KIF24: variants seen among roughly 807,000 people sequenced by gnomAD.
The protein encoded by KIF24 is kinesin family member 24.
In KIF24, 81 loss-of-function variants were observed where a neutral mutation model predicts 118.9. The observed-to-expected ratio is 0.68, with a 90% CI of 0.57 to 0.82. KIF24 has a LOEUF of 0.82. Among genes scored for constraint, KIF24 ranks in the 40% least tolerant of loss-of-function variants. The pLI, the probability that KIF24 is intolerant of heterozygous loss-of-function variation, is 0.00. For synonymous variants in KIF24, 599 were observed against 610.0 expected, an observed-to-expected ratio of 0.98 and a Z score of 0.27; for missense variants, 1,560 against 1,661.6, an observed-to-expected ratio of 0.94 and a Z score of 1.06.
Position 34,257,304 on chromosome 9 carries a change from T to C in KIF24, c.2303A>G (p.His768Arg), listed in dbSNP as rs754954401. 21 of 1,613,892 alleles carry C rather than the reference T, an allele frequency of 1.3e-5. No individual in the cohort carries two copies. In the African/African-American group the frequency reaches 2.1e-4, roughly 16 times the overall value. The change falls in exon 11 of 13, where the codon CAC becomes CGC. Residue 768 changes from histidine to arginine, a missense_variant. Transcript: ENST00000402558. ...GAGAGGTGGCTGTTGGAACTGCTGG[T>C]GATAGAAACGCAGATGTTCCTCCCT... ...KEREEHLRFY[H>R]QQFQQPPLLQ...
At chr9:34,316,027 AC>A (rs1362707062) in intron 1 of KIF24, among the ~76,000 whole-genome samples, 1 of 144,608 alleles carries the variant, frequency 6.9e-6, no homozygotes, top group Admixed American at 7.1e-5. Context: ...AGACTCTGTC[AC>A]CCCCCCAAAA....
chr9:34,257,651 C>T lies in KIF24; in HGVS notation c.1956G>A (p.Val652=), dbSNP rs929738584. The change falls in exon 11 of 13, where the codon GTG becomes GTA. Residue 652 remains valine (V), a synonymous_variant. Transcript: ENST00000402558. ...VIHASPVKGT[V]RSGHVAKKKP... is the part of the protein sequence containing the mutation. ...TTTTTTTGGCCACATGTCCAGAGCG[C>T]ACAGTTCCTTTCACAGGGCTAGCAT... 6.2e-7 allele frequency: 1 copy of T among 1,614,042 alleles called. No homozygotes were observed. Among genetic ancestry groups the T allele is most frequent in the Admixed American group, 1.7e-5 (1 of 60,030 alleles).
At chr9:34,272,740 A>T (rs1394448229) in intron 6 of KIF24, among the ~76,000 whole-genome samples, 2 of 152,214 alleles carry the variant, frequency 1.3e-5, no homozygotes, top group Non-Finnish European at 2.9e-5. Flanking sequence ...CTCCCGGCTC[A>T]GCCTCCTGAG....
Position 34,311,016 on chromosome 9 carries a change from C to T in KIF24, c.331G>A (p.Ala111Thr), listed in dbSNP as rs775155815. The change falls in exon 2 of 13, where the codon GCC (alanine) becomes ACC (threonine). Residue 111 changes from alanine to threonine, a missense_variant. Physicochemically the swap from Ala to Thr is moderately conservative, Grantham distance 58 (BLOSUM62 0). This residue lies in a region of KIF24 where 964 missense variants were observed against 988.0 expected (regional missense o/e 0.98). Transcript: ENST00000402558. ...CACATTTCAAACCCATCATTGCTGG[C>T]ATTTCTGTCTTTATTGTCAGCAGGA... ...DSPADNKDRN[A>T]SNDGFEMCSL... The T allele has an allele frequency of 8.8e-5, 142 of 1,613,806 alleles. No homozygotes were observed. The highest frequency in any genetic ancestry group is 1.2e-4 in the Non-Finnish European group (139 of 1,179,870).
chr9:34,311,249 G>T lies in KIF24; in HGVS notation c.98C>A (p.Ala33Asp), dbSNP rs1438236574. 9.3e-6 allele frequency: 15 copies of T among 1,612,224 alleles called. No individual in the cohort carries two copies. The highest frequency in any genetic ancestry group is 1.1e-5 in the Non-Finnish European group (13 of 1,178,912). ...GGAGTAGTCCTTCATTGTAATCTTGGCTAATTCATCTATTTTCTGAAGGCC... is the reference window on the plus strand; with the variant it reads ...GGAGTAGTCCTTCATTGTAATCTTGTCTAATTCATCTATTTTCTGAAGGCC... ...ALGLQKIDELAKITMKDYSKL... is the reference protein window; with the variant it reads ...ALGLQKIDELDKITMKDYSKL... Residue 33 changes from alanine to aspartate, a missense_variant, in exon 2 of 13, where the codon GCC becomes GAC. By Grantham distance (126) the Ala-to-Asp change is moderately radical. Transcript: ENST00000402558.
At chr9:34,262,975 T>G in intron 9 of KIF24, 126 bp downstream of exon 9, 1 of 692,486 alleles carries the variant, frequency 1.4e-6, no homozygotes, top group Non-Finnish European at 2.6e-6. Flanking sequence ...CCTCTCCTTC[T>G]CTTTTCCCCA....
At chr9:34,265,823 TTAAA>T (rs1476934620) in intron 8 of KIF24, among the ~76,000 whole-genome samples, 5 of 152,236 alleles carry the variant, frequency 3.3e-5, no homozygotes, top group Admixed American at 2.0e-4. Flanking sequence ...TTTAAATAAA[TTAAA>T]TAAAAACTGT....
rs552036906 is a variant in KIF24, at chr9:34,269,347, G to A, written c.1353C>T (p.Asp451=). 1.3e-5 allele frequency: 21 copies of A among 1,594,842 alleles called. No individual in the cohort carries two copies. The highest frequency in any genetic ancestry group is 1.2e-4 in the Admixed American group (7 of 59,654). ...CTGCTGCTCTTTCACTGCCAGCCAA[G>A]TCAATAAAAGAGATCCTAGAGAAAA... ...KRTFGRISFI[D]LAGSERAADA... The change falls in exon 8 of 13, where the codon GAC becomes GAT. Residue 451 remains aspartate, a synonymous_variant. Transcript: ENST00000402558.
chr9:34,306,525 G>A (rs535348339), intron 2 of KIF24, 84 bp from the exon 3 acceptor site: 109 of 949,424 alleles, frequency 1.1e-4, no homozygotes, highest in East Asian at 1.1e-3. Flanking sequence ...CCTTTTAGCC[G>A]GGCGCGGTGG....
rs201189519 is a variant in KIF24, at chr9:34,257,859, C to A, written c.1748G>T (p.Cys583Phe). 6.2e-7 allele frequency: 1 copy of A among 1,614,002 alleles called. No individual in the cohort carries two copies. The highest frequency in any genetic ancestry group is 2.2e-5 in the East Asian group (1 of 44,882). ...TCCCAGCTTGACTTTTTTGGGAGAA[C>A]ATTTGTCCTCTGACAAAGCCCCAGG... ...SSPGALSEDK[C>F]SPKKVKLGFQ... Residue 583 changes from cysteine to phenylalanine, a missense_variant, in exon 11 of 13, where the codon TGT becomes TTT. Physicochemically the swap from Cys to Phe is radical, Grantham distance 205. Coordinates refer to ENST00000402558, the MANE Select transcript of KIF24 (RefSeq NM_194313.4).
chr9:34,277,506 C>T (rs187875249), intron 6 of KIF24, among the ~76,000 whole-genome samples: 26 of 152,178 alleles, frequency 1.7e-4, no homozygotes, highest in African/African-American at 4.8e-4. Context: ...ATGCAAAGGG[C>T]GGCCCTGTGG....
At chr9:34,309,196 TA>T (rs765606757) in intron 2 of KIF24, among the ~76,000 whole-genome samples, 2 of 152,170 alleles carry the variant, frequency 1.3e-5, no homozygotes, top group Non-Finnish European at 2.9e-5. Context: ...TATTTTTACT[TA>T]TAAGTAATTC....
intron 3 of KIF24, among the ~76,000 whole-genome samples, chr9:34,300,343 T>C (rs1307012182): frequency 6.6e-6 from 1 of 152,020 alleles, no homozygotes; most frequent in Non-Finnish European, 1.5e-5. Flanking sequence ...AGGTCAATAA[T>C]AGTTAAACAT....
intron 12 of KIF24, 71 bp from the exon 13 acceptor site, chr9:34,254,591 C>T (rs1834747032): frequency 1.3e-6 from 2 of 1,503,010 alleles, no homozygotes; most frequent in Non-Finnish European, 1.8e-6. Flanking sequence ...CTTTTTCAGT[C>T]CCTCCTCTGG....
At chr9:34,271,973 A>C in intron 6 of KIF24, 43 bp from the exon 7 acceptor site, 2 of 1,543,194 alleles carry the variant, frequency 1.3e-6, no homozygotes, top group Non-Finnish European at 1.7e-6. Flanking sequence ...AGGAGTAAAC[A>C]AAAGCCTCTG....
intron 1 of KIF24, chr9:34,319,537 A>G (rs1837447303): frequency 3.4e-6 from 4 of 1,185,398 alleles, no homozygotes; most frequent in Non-Finnish European, 5.0e-6. Flanking sequence ...CGCAGCCCCA[A>G]GCTGTTCTAC....
chr9:34,262,667 A>ATATATGTATGT (rs1835113677), intron 9 of KIF24, among the ~76,000 whole-genome samples: 1 of 43,184 alleles, frequency 2.3e-5, no homozygotes, highest in Admixed American at 4.0e-4. Flanking sequence ...AAAAAAAAAA[A>ATATATGTATGT]AAAAAAAAAT....
At chr9:34,302,380 T>C (rs1219653342) in intron 3 of KIF24, among the ~76,000 whole-genome samples, 2 of 151,942 alleles carry the variant, frequency 1.3e-5, no homozygotes, top group Non-Finnish European at 2.9e-5. Context: ...CACAGCTTAC[T>C]ATAGTCTCAA....
At chr9:34,268,125 T>C (rs1225823167) in intron 8 of KIF24, among the ~76,000 whole-genome samples, 1 of 152,180 alleles carries the variant, frequency 6.6e-6, no homozygotes, top group Non-Finnish European at 1.5e-5. Flanking sequence ...ATAATGGCAT[T>C]ATGGCTACAT....
Sources: allele counts gnomAD v4.1 joint callset (sites outside exome capture counted in the v4.1 genomes callset), GRCh38; gene constraint gnomAD v4.1.1; regional missense constraint gnomAD v4.1.1; transcripts MANE v1.5; gene names NCBI Gene and HGNC (gene_info 2026-07-23, HGNC 2026-07-21).